MARS1: variants seen among roughly 807,000 people sequenced by gnomAD.
The protein encoded by MARS1 is methionine--tRNA ligase, cytoplasmic.
In MARS1, 80 loss-of-function variants were observed where a neutral mutation model predicts 119.5. The observed-to-expected ratio is 0.67, with a 90% CI of 0.56 to 0.81. MARS1 has a LOEUF of 0.81. Ranked by LOEUF, MARS1 falls within the 30% of genes least tolerant of loss-of-function variation. MARS1 has a pLI of 0.00. For missense variants in MARS1, 945 were observed against 1,116.5 expected, an observed-to-expected ratio of 0.85 and a Z score of 2.19; for synonymous variants, 418 against 433.4, an observed-to-expected ratio of 0.96 and a Z score of 0.44.
At chr12:57,488,260 C>T (rs1235803337) in intron 1 of MARS1, 61 bp downstream of exon 1, 1 of 1,497,830 alleles carries the variant, frequency 6.7e-7, no homozygotes, top group Non-Finnish European at 9.2e-7. Context: ...ACGCCAGATT[C>T]TCTGCAGCTG....
intron 7 of MARS1, among the ~76,000 whole-genome samples, chr12:57,492,688 C>G (rs1876044811): frequency 9.7e-6 from 1 of 103,474 alleles, no homozygotes; most frequent in Admixed American, 9.1e-5. Flanking sequence ...CACACACACA[C>G]ACACACACAC....
In MARS1 at chr12:57,507,393, A is replaced by G. The variant is rs1474347457; in HGVS notation, c.1368+3094A>G. Among the ~76,000 whole-genome samples, 32 of 137,124 alleles carry G rather than the reference A, an allele frequency of 2.3e-4. 1 individual carries two copies. Among genetic ancestry groups the G allele is most frequent in the Admixed American group, 1.2e-3 (16 of 13,852 alleles). 90.0% of individuals were successfully genotyped at this position (137,124 alleles called of 152,430 possible). ...ACACCTCCCAGACGGGGTGGTGGCC[A>G]GGCAGAGGGGCTCCTCACTTCCCAG... On this transcript the variant is annotated intron_variant, in intron 11 of 20. Transcript: ENST00000262027.
At chr12:57,508,349 A>G (rs1380789255) in intron 11 of MARS1, among the ~76,000 whole-genome samples, 1 of 152,210 alleles carries the variant, frequency 6.6e-6, no homozygotes, top group African/African-American at 2.4e-5. Context: ...AGATCACACC[A>G]CTGCACTCCA....
chr12:57,498,710 G>A lies in MARS1; in HGVS notation c.1091+87G>A, dbSNP rs1876765644. 5 of 1,308,080 alleles carry A rather than the reference G, an allele frequency of 3.8e-6. No homozygotes were observed. In the Admixed American group the frequency reaches 6.8e-5, roughly 18 times the overall value. The allele number at this position is 1,308,080 out of a possible 1,614,324, so 81.0% of individuals were successfully genotyped here. On this transcript the variant is annotated intron_variant, in intron 9 of 20. Coordinates refer to ENST00000262027, the MANE Select transcript of MARS1 (RefSeq NM_004990.4). ...TATCTTGGAGACAGAAGGAACCCGG[G>A]TGGCTGTCTGGGCACTCCTAAACTT...
chr12:57,500,308 C>G lies in MARS1; in HGVS notation c.1092-13C>G. 6.2e-7 allele frequency: 1 copy of G among 1,612,542 alleles called. No homozygotes were observed. Among genetic ancestry groups the G allele is most frequent in the Non-Finnish European group, 8.5e-7 (1 of 1,178,702 alleles). ...CTGACTGTCTCTTCCTGATCCCTGGCCCACCTCACCAGAATCACCCAGGAC... is the reference window on the plus strand; with the variant it reads ...CTGACTGTCTCTTCCTGATCCCTGGGCCACCTCACCAGAATCACCCAGGAC... On this transcript the variant is annotated splice_polypyrimidine_tract_variant and intron_variant, in intron 9 of 20. Coordinates refer to ENST00000262027, the MANE Select transcript of MARS1 (RefSeq NM_004990.4).
intron 11 of MARS1, among the ~76,000 whole-genome samples, chr12:57,511,105 C>G (rs1321431465): frequency 1.3e-5 from 2 of 150,566 alleles, no homozygotes; most frequent in Non-Finnish European, 3.0e-5. Flanking sequence ...ACAAGAATGA[C>G]ATGCAAACTT....
At position 57,489,303 on chromosome 12, in the gene MARS1, C is replaced by A; in HGVS notation, c.237C>A (p.Asp79Glu). The A allele has an allele frequency of 3.7e-6, 6 of 1,613,894 alleles. No homozygotes were observed. The highest frequency in any genetic ancestry group is 5.1e-6 in the Non-Finnish European group (6 of 1,180,032). The change falls in exon 3 of 21, where the codon GAC becomes GAA. Residue 79 changes from aspartate (D) to glutamate (E), a missense_variant. Transcript: ENST00000262027. Reference protein sequence around the residue: ...FFLLSGWEQDDLTNQWLEWEA... With the variant: ...FFLLSGWEQDELTNQWLEWEA... The stretch of plus-strand genomic sequence containing the variant: ...TGTTATCTGGCTGGGAGCAAGATGA[C>A]CTCACTAACCAGTGGCTGGAATGGG...
intron 5 of MARS1, 47 bp from the exon 6 acceptor site, chr12:57,490,160 T>A: frequency 6.3e-7 from 1 of 1,583,004 alleles, no homozygotes. Context: ...CGCTCCTGCC[T>A]ACCAGGTCCT....
chr12:57,492,441 C>G (rs1030724263), intron 7 of MARS1, among the ~76,000 whole-genome samples: 1 of 151,498 alleles, frequency 6.6e-6, no homozygotes, highest in South Asian at 2.1e-4. Context: ...GAGGCCAAGG[C>G]GGCAGATCAC....
At chr12:57,516,097 G>A (rs1184424092) in intron 19 of MARS1, 106 bp downstream of exon 19, 1 of 1,402,602 alleles carries the variant, frequency 7.1e-7, no homozygotes, top group Non-Finnish European at 1.0e-6. Context: ...TTTTGGCCCT[G>A]CCGCTTCCTC....
rs1223846341 is a variant in MARS1, at chr12:57,504,311, T to C, written c.1368+12T>C. On this transcript the variant is annotated intron_variant, in intron 11 of 20. Coordinates refer to ENST00000262027, the MANE Select transcript of MARS1 (RefSeq NM_004990.4). Reference sequence around the variant, plus strand: ...TGGACCTGCCTAAGGTAAGTGAGCTTTTCTCTCAACCTAGTTTTCAGGAGG... The same window carrying C: ...TGGACCTGCCTAAGGTAAGTGAGCTCTTCTCTCAACCTAGTTTTCAGGAGG... 6.2e-7 allele frequency: 1 copy of C among 1,613,240 alleles called. No individual in the cohort carries two copies. The highest frequency in any genetic ancestry group is 1.7e-5 in the Admixed American group (1 of 60,018).
intron 11 of MARS1, among the ~76,000 whole-genome samples, chr12:57,509,670 G>C (rs530922730): frequency 6.6e-6 from 1 of 151,788 alleles, no homozygotes; most frequent in Non-Finnish European, 1.5e-5. Flanking sequence ...TTGGCCTCCC[G>C]AAGTGCTGGG....
At position 57,493,535 on chromosome 12, in the gene MARS1, A is replaced by AAT. The variant is rs1876213638; in HGVS notation, c.770+2891_770+2892insAT. Among the ~76,000 whole-genome samples, 4 of 4,650 alleles carry AAT rather than the reference A, an allele frequency of 8.6e-4. 1 individual carries two copies. The highest frequency in any genetic ancestry group is 0.019 in the South Asian group (1 of 54). 3.1% of individuals were successfully genotyped at this position (4,650 alleles called of 152,430 possible). Reference sequence around the variant, plus strand: ...TATAATATATAATATATTATAATATATAATATATTATAATATATAATATAT... The same window carrying AAT: ...TATAATATATAATATATTATAATATAATTAATATATTATAATATATAATATAT... On this transcript the variant is annotated intron_variant, in intron 7 of 20. Transcript: ENST00000262027.
At chr12:57,509,894 A>G (rs1250492720) in intron 11 of MARS1, among the ~76,000 whole-genome samples, 1 of 152,184 alleles carries the variant, frequency 6.6e-6, no homozygotes, top group Non-Finnish European at 1.5e-5. Flanking sequence ...ACCTAAAACA[A>G]TTTCAGAATT....
intron 7 of MARS1, among the ~76,000 whole-genome samples, chr12:57,493,485 A>ATAT (rs1565640108): frequency 2.9e-4 from 1 of 3,478 alleles, no homozygotes; most frequent in African/African-American, 7.8e-4. Flanking sequence ...AATATATAAT[A>ATAT]TATAATATAT....
Position 57,498,638 on chromosome 12 carries a change from A to T in MARS1, c.1091+15A>T, listed in dbSNP as rs765042320. On this transcript the variant is annotated intron_variant, in intron 9 of 20. Transcript: ENST00000262027. ...CAGCAGACCAAGTAAGTTTCCTCTA[A>T]TGAGGCAGAAATGGGGCTTGAAGGC... 13 of 1,611,130 alleles carry T rather than the reference A, an allele frequency of 8.1e-6. No homozygotes were observed. Among genetic ancestry groups the T allele is most frequent in the Non-Finnish European group, 1.1e-5 (13 of 1,177,492 alleles).
intron 1 of MARS1, chr12:57,488,698 C>T: frequency 6.6e-7 from 1 of 1,504,580 alleles, no homozygotes. Context: ...TGTTCTCCCA[C>T]TGTGACCTTC....
At chr12:57,508,492 C>T (rs1478296574) in intron 11 of MARS1, among the ~76,000 whole-genome samples, 1 of 152,252 alleles carries the variant, frequency 6.6e-6, no homozygotes, top group Admixed American at 6.5e-5. Context: ...AACCCCGTCT[C>T]TACCAAAAAA....
intron 7 of MARS1, among the ~76,000 whole-genome samples, chr12:57,493,399 T>C (rs1342055862): frequency 1.4e-3 from 2 of 1,420 alleles, no homozygotes; most frequent in South Asian, 0.021. Context: ...TTATATATAA[T>C]ATATGTTATA....
Sources: allele counts gnomAD v4.1 joint callset (sites outside exome capture counted in the v4.1 genomes callset), GRCh38; gene constraint gnomAD v4.1.1; transcripts MANE v1.5; gene names NCBI Gene and HGNC (gene_info 2026-07-23, HGNC 2026-07-21).